Variants in PHACTR4 observed in about 807,000 individuals in gnomAD.
PHACTR4 encodes phosphatase and actin regulator 4.
PHACTR4 carries 51 observed loss-of-function variants against 72.7 expected under a neutral mutation model. That is an observed-to-expected ratio of 0.70 (90% CI 0.56 to 0.89). The LOEUF (loss-of-function observed/expected upper bound fraction) is 0.89, where lower values mean the gene tolerates loss of function less well. Ranked by LOEUF, PHACTR4 falls within the 40% of genes least tolerant of loss-of-function variation. The pLI, the probability that PHACTR4 is intolerant of heterozygous loss-of-function variation, is 0.00. For synonymous variants in PHACTR4, 255 were observed against 302.5 expected (o/e 0.84, Z 1.63); for missense variants, 731 against 861.8 (o/e 0.85, Z 1.90).
chr1:28,409,124 CT>C (rs564622352), intron 2 of PHACTR4, among the ~76,000 whole-genome samples: 420 of 132,952 alleles, frequency 3.2e-3, no homozygotes, highest in East Asian at 0.014. Flanking sequence ...TTCTTTCTTT[CT>C]TTTTTTTTTT....
At chr1:28,460,895 C>T (rs1486747933) in intron 4 of PHACTR4, among the ~76,000 whole-genome samples, 2 of 152,008 alleles carry the variant, frequency 1.3e-5, no homozygotes, top group East Asian at 1.9e-4. Flanking sequence ...CTGCCCACCT[C>T]GGCCTCCCAA....
chr1:28,408,250 C>T (rs1425294557), intron 2 of PHACTR4, among the ~76,000 whole-genome samples: 1 of 152,138 alleles, frequency 6.6e-6, no homozygotes, highest in Non-Finnish European at 1.5e-5. Flanking sequence ...TTCATTAGTA[C>T]TTGGCCAATG....
intron 8 of PHACTR4, 136 bp from the exon 9 acceptor site, chr1:28,480,315 G>C: frequency 2.0e-6 from 2 of 993,836 alleles, no homozygotes; most frequent in Non-Finnish European, 2.9e-6. Flanking sequence ...TCAGTGTTCA[G>C]CTGGATCATT....
At chr1:28,468,592 CA>C (rs201324391) in intron 6 of PHACTR4, among the ~76,000 whole-genome samples, 13 of 150,060 alleles carry the variant, frequency 8.7e-5, no homozygotes, top group African/African-American at 1.5e-4. Flanking sequence ...AACTCCATCT[CA>C]AAAAAAAAGA....
At chr1:28,484,478 GTGTATATATATGTGTGTATGTGTATATA>G (rs1660493539) in intron 9 of PHACTR4, among the ~76,000 whole-genome samples, 1 of 150,598 alleles carries the variant, frequency 6.6e-6, no homozygotes, top group Admixed American at 6.6e-5. Context: ...ATGTGTGTAT[GTGTATATATATGTGTGTATGTGTATATA>G]TATGTGTGTA....
At chr1:28,435,976 A>T (rs1656606332) in intron 2 of PHACTR4, among the ~76,000 whole-genome samples, 1 of 152,196 alleles carries the variant, frequency 6.6e-6, no homozygotes, top group Admixed American at 6.5e-5. Flanking sequence ...CAACATCATA[A>T]TGTTTTTCTA....
chr1:28,410,160 G>T (rs1319777186), intron 2 of PHACTR4, among the ~76,000 whole-genome samples: 7 of 151,840 alleles, frequency 4.6e-5, no homozygotes, highest in Non-Finnish European at 1.0e-4. Context: ...TAGAGACAGG[G>T]TTTCACCATC....
At chr1:28,385,009 C>G (rs1652451678) in intron 1 of PHACTR4, among the ~76,000 whole-genome samples, 1 of 152,106 alleles carries the variant, frequency 6.6e-6, no homozygotes, top group Admixed American at 6.6e-5. Flanking sequence ...AGCTCTGATA[C>G]TGATTATTCT....
chr1:28,478,329 C>T (rs1468123083), intron 8 of PHACTR4, among the ~76,000 whole-genome samples: 2 of 152,036 alleles, frequency 1.3e-5, no homozygotes, highest in Admixed American at 1.3e-4. Flanking sequence ...GATTCCATAT[C>T]TTGGGGATTA....
At chr1:28,457,795 G>C in intron 2 of PHACTR4, 1 of 983,602 alleles carries the variant, frequency 1.0e-6, no homozygotes, top group Non-Finnish European at 1.2e-6. Flanking sequence ...ATTTCAGGAT[G>C]GTTTTTCCAC....
chr1:28,393,741 T>C (rs1653246815), intron 1 of PHACTR4, among the ~76,000 whole-genome samples: 1 of 152,180 alleles, frequency 6.6e-6, no homozygotes, highest in Admixed American at 6.6e-5. Flanking sequence ...GGTCTCACTT[T>C]GTTGCCCAGG....
Position 28,370,725 on chromosome 1 carries a change from T to C in PHACTR4, c.-39+900T>C, listed in dbSNP as rs1452652494. On this transcript the variant is annotated intron_variant, in intron 1 of 13. Transcript: ENST00000373839. Reference sequence around the variant, plus strand: ...ACAGTGGAAGGAAAAAGTCCTTCAGTGGAAGAATTTGCTTTATAGAGGAAC... The same window carrying C: ...ACAGTGGAAGGAAAAAGTCCTTCAGCGGAAGAATTTGCTTTATAGAGGAAC... Among the ~76,000 whole-genome samples the C allele has an allele frequency of 3.3e-5, 5 of 151,898 alleles. No individual in the cohort carries two copies. In the East Asian group the frequency reaches 9.6e-4, roughly 29 times the overall value.
At chr1:28,443,832 C>T (rs958625200) in intron 2 of PHACTR4, among the ~76,000 whole-genome samples, 17 of 152,188 alleles carry the variant, frequency 1.1e-4, no homozygotes, top group African/African-American at 3.6e-4. Context: ...TGTTGTTGAA[C>T]ACCTAGGTTG....
At chr1:28,417,656 A>G (rs977845991) in intron 2 of PHACTR4, among the ~76,000 whole-genome samples, 3 of 152,156 alleles carry the variant, frequency 2.0e-5, no homozygotes, top group African/African-American at 7.2e-5. Context: ...ATTTCTAGAA[A>G]TTTTCCATAT....
chr1:28,399,311 C>T (rs1027823987), intron 1 of PHACTR4, among the ~76,000 whole-genome samples: 4 of 151,930 alleles, frequency 2.6e-5, no homozygotes, highest in African/African-American at 9.7e-5. Context: ...GACTCTGTCT[C>T]AAAAAATATA....
intron 9 of PHACTR4, among the ~76,000 whole-genome samples, chr1:28,481,804 A>AG (rs773564743): frequency 3.0e-3 from 439 of 148,244 alleles, no homozygotes; most frequent in Non-Finnish European, 4.0e-3. Flanking sequence ...AAAAAAAAAG[A>AG]AAAGAAAAGA....
At chr1:28,428,514 T>C (rs1194003953) in intron 2 of PHACTR4, among the ~76,000 whole-genome samples, 1 of 152,234 alleles carries the variant, frequency 6.6e-6, no homozygotes, top group Non-Finnish European at 1.5e-5. Flanking sequence ...TTGAGTGTGA[T>C]CTTTCATTTT....
At position 28,369,778 on chromosome 1, in the gene PHACTR4, C is replaced by T. The variant is rs774016582; in HGVS notation, c.-86C>T. 1 of 453,746 alleles carries T rather than the reference C, an allele frequency of 2.2e-6. No homozygotes were observed. The highest frequency in any genetic ancestry group is 4.4e-6 in the Non-Finnish European group (1 of 227,562). 28.1% of individuals were successfully genotyped at this position (453,746 alleles called of 1,614,324 possible). A position where few individuals can be genotyped will look rare whatever the true frequency, so the allele number is the denominator to read the frequency against. ...GCGGCCAACGGGCCAGGTAGGATTT[C>T]CGGGAGAGGCTGCTGTGGAGGCTGA... is the stretch of plus-strand genomic sequence containing the variant. On this transcript the variant is annotated 5_prime_UTR_variant, in exon 1 of 14. Transcript: ENST00000373839.
chr1:28,491,888 T>A, intron 12 of PHACTR4, 101 bp downstream of exon 12: 1 of 1,336,798 alleles, frequency 7.5e-7, no homozygotes, highest in Non-Finnish European at 1.0e-6. Flanking sequence ...AAACAAAACT[T>A]CTAGTTTTAA....
Sources: gnomAD v4.1 joint callset for allele counts (sites outside exome capture counted in the v4.1 genomes callset) on GRCh38, gnomAD v4.1.1 for gene constraint, MANE v1.5 for transcripts, NCBI Gene and HGNC (gene_info 2026-07-23, HGNC 2026-07-21) for gene names.